The following CDK14 variants were observed in gnomAD, a reference collection of about 807,000 sequenced individuals.
The protein encoded by CDK14 is cyclin-dependent kinase 14.
In CDK14, 34 loss-of-function variants were observed where a neutral mutation model predicts 60.7. The observed-to-expected ratio is 0.56, with a 90% CI of 0.43 to 0.75. The LOEUF (loss-of-function observed/expected upper bound fraction) is 0.75, where lower values mean the gene tolerates loss of function less well. Ranked by LOEUF, CDK14 falls within the 30% of genes least tolerant of loss-of-function variation. The pLI is 0.00. For synonymous variants in CDK14, 197 were observed against 203.7 expected (o/e 0.97, Z 0.28); for missense variants, 482 against 564.1 (o/e 0.85, Z 1.47).
chr7:90,895,701 C>A (rs906557703), intron 6 of CDK14, among the ~76,000 whole-genome samples: 1 of 145,500 alleles, frequency 6.9e-6, no homozygotes, highest in Non-Finnish European at 1.5e-5. Context: ...GCTGGGATTG[C>A]ATGCACTTGC....
At chr7:90,699,050 G>A (rs944934895) in intron 2 of CDK14, among the ~76,000 whole-genome samples, 1 of 152,216 alleles carries the variant, frequency 6.6e-6, no homozygotes, top group African/African-American at 2.4e-5. Context: ...AAGGCCTGTA[G>A]GGTAGCTCCC....
At chr7:90,974,040 A>G (rs1795001272) in intron 9 of CDK14, among the ~76,000 whole-genome samples, 1 of 152,138 alleles carries the variant, frequency 6.6e-6, no homozygotes, top group African/African-American at 2.4e-5. Context: ...ACACTCCCAG[A>G]GCAGCCGTCT....
chr7:90,607,776 T>C (rs1456503088), intron 2 of CDK14, among the ~76,000 whole-genome samples: 1 of 152,246 alleles, frequency 6.6e-6, no homozygotes, highest in East Asian at 1.9e-4. Flanking sequence ...AATGATCATT[T>C]TGCTTTTCAT....
chr7:91,119,035 G>A (rs1562912259), intron 14 of CDK14, among the ~76,000 whole-genome samples: 1 of 151,020 alleles, frequency 6.6e-6, no homozygotes, highest in Non-Finnish European at 1.5e-5. Context: ...GTGTGTGTGT[G>A]TATATATATA....
At position 90,869,608 on chromosome 7, in the gene CDK14, G is replaced by T. The variant is rs137944722; in HGVS notation, c.639+6339G>T. ...CTGCTTTCTTAAGAATGGACCAAGGGTGGGGAAGTTAAGAATCAAGAGACC... is the reference window on the plus strand; with the variant it reads ...CTGCTTTCTTAAGAATGGACCAAGGTTGGGGAAGTTAAGAATCAAGAGACC... On this transcript the variant is annotated intron_variant, in intron 6 of 14. Coordinates refer to ENST00000380050, the MANE Select transcript of CDK14 (RefSeq NM_001287135.2). 2.6e-5 allele frequency among the ~76,000 whole-genome samples: 4 copies of T among 152,320 alleles called. No homozygotes were observed. The East Asian group carries it at 7.7e-4, about 29-fold the overall frequency.
At chr7:91,165,071 C>T (rs777260965) in intron 14 of CDK14, among the ~76,000 whole-genome samples, 3 of 152,198 alleles carry the variant, frequency 2.0e-5, no homozygotes, top group Non-Finnish European at 4.4e-5. Context: ...TGTGATCGCT[C>T]TTCAGCGTTC....
intron 12 of CDK14, among the ~76,000 whole-genome samples, chr7:91,082,777 A>G (rs1798518480): frequency 1.3e-5 from 2 of 152,328 alleles, no homozygotes; most frequent in Non-Finnish European, 2.9e-5. Flanking sequence ...TAATGTATTT[A>G]AAATAATATT....
chr7:91,050,383 C>T (rs1447059525), intron 11 of CDK14, among the ~76,000 whole-genome samples: 2 of 151,846 alleles, frequency 1.3e-5, no homozygotes, highest in Non-Finnish European at 2.9e-5. Flanking sequence ...CTATGATTAT[C>T]CCAGAACTCA....
At chr7:90,670,289 A>G (rs1801069142) in intron 2 of CDK14, among the ~76,000 whole-genome samples, 1 of 152,196 alleles carries the variant, frequency 6.6e-6, no homozygotes, top group African/African-American at 2.4e-5. Context: ...GGGATCATTT[A>G]GTTCAACTAA....
In CDK14 at chr7:90,736,344, G is replaced by GTTTT. The variant is rs1245652024; in HGVS notation, c.369+9534_369+9537dup. Among the ~76,000 whole-genome samples, 121 of 41,006 alleles carry GTTTT rather than the reference G, an allele frequency of 3.0e-3. 4 individuals are homozygous for GTTTT. Among genetic ancestry groups the GTTTT allele is most frequent in the African/African-American group, 4.6e-3 (51 of 11,156 alleles). The allele number at this position is 41,006 out of a possible 152,430, so 26.9% of individuals were successfully genotyped here. A position where few individuals can be genotyped will look rare whatever the true frequency, so the allele number is the denominator to read the frequency against. On this transcript the variant is annotated intron_variant, in intron 3 of 14. Transcript: ENST00000380050. ...GTGATAAGAAGGGGTACTTTATTAT[G>GTTTT]TTTTTGTTTTTTTTTTTTTTTTTTT...
At chr7:90,659,887 G>C (rs59396283) in intron 2 of CDK14, among the ~76,000 whole-genome samples, 17 of 146,018 alleles carry the variant, frequency 1.2e-4, no homozygotes, top group East Asian at 6.5e-4. Context: ...GTGTGTGTGT[G>C]TGTGTGTGTG....
intron 5 of CDK14, among the ~76,000 whole-genome samples, chr7:90,806,531 C>T (rs576285082): frequency 2.7e-4 from 41 of 152,262 alleles, no homozygotes; most frequent in African/African-American, 9.4e-4. Flanking sequence ...TCTACAGCTC[C>T]CAGCGTGAGC....
chr7:90,917,618 G>A lies in CDK14; in HGVS notation c.720G>A (p.Leu240=). ...TTTTTCAGTTGTTTTTATTTCAGTT[G>A]CTGCGAGGTCTGTCTTACATCCACC... is the stretch of plus-strand genomic sequence containing the variant. The part of the protein sequence containing the change: ...PDNVKLFLFQ[L]LRGLSYIHQR... The change falls in exon 8 of 15, where the codon TTG becomes TTA. Residue 240 remains leucine, a synonymous_variant. Transcript: ENST00000380050. 1 of 1,612,572 alleles carries A rather than the reference G, an allele frequency of 6.2e-7. No homozygotes were observed. Among genetic ancestry groups the A allele is most frequent in the African/African-American group, 1.3e-5 (1 of 74,992 alleles).
At chr7:90,944,590 A>G (rs1794042279) in intron 8 of CDK14, among the ~76,000 whole-genome samples, 1 of 152,076 alleles carries the variant, frequency 6.6e-6, no homozygotes, top group Admixed American at 6.6e-5. Flanking sequence ...AAAATTAGCC[A>G]GACATAGTGA....
intron 14 of CDK14, among the ~76,000 whole-genome samples, chr7:91,195,560 T>C (rs1322054049): frequency 6.6e-6 from 1 of 152,224 alleles, no homozygotes; most frequent in Non-Finnish European, 1.5e-5. Context: ...TCATCATTTG[T>C]CCAGAACATT....
intron 9 of CDK14, among the ~76,000 whole-genome samples, chr7:90,965,921 C>T (rs1022513025): frequency 6.6e-6 from 1 of 152,188 alleles, no homozygotes; most frequent in African/African-American, 2.4e-5. Flanking sequence ...CCCTCTCATA[C>T]TTCCTCCCTG....
intron 14 of CDK14, among the ~76,000 whole-genome samples, chr7:91,142,650 A>G (rs946028126): frequency 1.3e-5 from 2 of 152,246 alleles, no homozygotes; most frequent in Non-Finnish European, 2.9e-5. Context: ...GTTTATTATT[A>G]TATGTGTTTA....
chr7:91,175,112 G>A (rs1801681499), intron 14 of CDK14, among the ~76,000 whole-genome samples: 1 of 148,260 alleles, frequency 6.7e-6, no homozygotes. Flanking sequence ...GGATCTCTCG[G>A]CAGAAACCCT....
chr7:90,850,161 T>G (rs1018408629), intron 5 of CDK14, among the ~76,000 whole-genome samples: 6 of 151,980 alleles, frequency 3.9e-5, no homozygotes, highest in East Asian at 1.9e-4. Flanking sequence ...AATAAGAAAA[T>G]GAGAATGGAT....
Sources: gnomAD v4.1 joint callset for allele counts (sites outside exome capture counted in the v4.1 genomes callset) on GRCh38, gnomAD v4.1.1 for gene constraint, MANE v1.5 for transcripts, NCBI Gene and HGNC (gene_info 2026-07-23, HGNC 2026-07-21) for gene names.